The following WWOX variants were observed in gnomAD, a reference collection of about 807,000 sequenced individuals.
WWOX encodes WW domain containing oxidoreductase, also known as WW domain-containing oxidoreductase.
A neutral mutation model predicts 46.2 loss-of-function variants in WWOX; 69 were observed. That is an observed-to-expected ratio of 1.49 (90% CI 1.23 to 1.82). The LOEUF is 1.82. Ranked by LOEUF, WWOX falls within the 40% of genes most tolerant of loss-of-function variation. The pLI is 0.00. For missense variants in WWOX, 919 were observed against 542.6 expected, an observed-to-expected ratio of 1.69 and a Z score of -6.89; for synonymous variants, 359 against 202.6, an observed-to-expected ratio of 1.77 and a Z score of -6.56.
At chr16:78,733,446 C>A (rs909722175) in intron 8 of WWOX, among the ~76,000 whole-genome samples, 3 of 149,654 alleles carry the variant, frequency 2.0e-5, no homozygotes, top group African/African-American at 4.9e-5. Flanking sequence ...CAGAGTGAGA[C>A]CTTGTCTCAA....
chr16:79,002,649 C>G (rs1203743043), intron 8 of WWOX, among the ~76,000 whole-genome samples: 1 of 152,206 alleles, frequency 6.6e-6, no homozygotes, highest in East Asian at 1.9e-4. Flanking sequence ...AAGTGCTTCA[C>G]TTGTGTGATC....
rs901527419 is a variant in WWOX at position 78,338,277 on chromosome 16, G to A, written c.517-48583G>A. 8.2e-5 allele frequency among the ~76,000 whole-genome samples: 10 copies of A among 121,462 alleles called. 2 individuals carry two copies. The South Asian group carries it at 2.2e-3, about 27-fold the overall frequency. The allele number at this position is 121,462 out of a possible 152,430, so 79.7% of individuals were successfully genotyped here. On this transcript the variant is annotated intron_variant, in intron 5 of 8. Transcript: ENST00000566780. ...TCACTTGCCTGATACTGCCTAGTGA[G>A]CAGGTGGAAATGTAGACACCAACAC... is the stretch of plus-strand genomic sequence containing the variant.
At chr16:78,464,282 G>C (rs185264221) in intron 8 of WWOX, among the ~76,000 whole-genome samples, 1 of 151,098 alleles carries the variant, frequency 6.6e-6, no homozygotes, top group Non-Finnish European at 1.5e-5. Flanking sequence ...GATGGAGGGA[G>C]GCAAAAAGAA....
intron 8 of WWOX, among the ~76,000 whole-genome samples, chr16:79,046,570 G>A (rs1394381352): frequency 1.3e-5 from 2 of 152,108 alleles, no homozygotes; most frequent in African/African-American, 4.8e-5. Context: ...GAGGGTGAGA[G>A]AGCTCACCGG....
At chr16:79,195,399 G>A (rs891179234) in intron 8 of WWOX, among the ~76,000 whole-genome samples, 2 of 152,212 alleles carry the variant, frequency 1.3e-5, no homozygotes, top group African/African-American at 4.8e-5. Flanking sequence ...GGAAGTCATT[G>A]ATGTGGGCTC....
intron 5 of WWOX, among the ~76,000 whole-genome samples, chr16:78,380,223 A>G (rs940129873): frequency 6.6e-6 from 1 of 152,084 alleles, no homozygotes; most frequent in Non-Finnish European, 1.5e-5. Flanking sequence ...CTAAGGGGCA[A>G]GGAGGGTTGG....
chr16:79,059,574 T>C (rs1325983527), intron 8 of WWOX, among the ~76,000 whole-genome samples: 2 of 152,190 alleles, frequency 1.3e-5, no homozygotes, highest in African/African-American at 2.4e-5. Context: ...CACTGCAGCC[T>C]CCGCCTTCCG....
At chr16:78,392,846 ACT>A (rs1481120784) in intron 6 of WWOX, among the ~76,000 whole-genome samples, 2 of 150,802 alleles carry the variant, frequency 1.3e-5, no homozygotes, top group East Asian at 2.0e-4. Flanking sequence ...TCCTCTGCCC[ACT>A]CTCTGTTTAC....
chr16:78,473,245 T>G (rs77382368), intron 8 of WWOX, among the ~76,000 whole-genome samples: 6,059 of 152,210 alleles, frequency 0.04, 280 homozygotes, highest in African/African-American at 0.11. Context: ...TTGTCCTGCC[T>G]CAGCCTCCCA....
At chr16:78,598,301 T>C (rs1484078116) in intron 8 of WWOX, among the ~76,000 whole-genome samples, 1 of 152,188 alleles carries the variant, frequency 6.6e-6, no homozygotes, top group Admixed American at 6.5e-5. Flanking sequence ...ACGGATTGTG[T>C]TTTAAGATGT....
At chr16:78,593,696 G>A (rs539951393) in intron 8 of WWOX, among the ~76,000 whole-genome samples, 104 of 151,132 alleles carry the variant, frequency 6.9e-4, no homozygotes, top group African/African-American at 2.2e-3. Context: ...TCTTCCCAGC[G>A]TACAACAGAG....
rs553969278 is a variant in WWOX at position 78,626,409 on chromosome 16, C to G, written c.1056+193657C>G. Reference sequence around the variant, plus strand: ...ATGACCTTGACAGCTTTGAGGAGTGCTGGTTGGGTATTCTGTAGGATGCTC... The same window carrying G: ...ATGACCTTGACAGCTTTGAGGAGTGGTGGTTGGGTATTCTGTAGGATGCTC... On this transcript the variant is annotated intron_variant, in intron 8 of 8. Transcript: ENST00000566780. Among the ~76,000 whole-genome samples the G allele has an allele frequency of 3.3e-5, 5 of 152,280 alleles. No individual in the cohort carries two copies. In the South Asian group the frequency reaches 8.3e-4, roughly 25 times the overall value.
At chr16:78,179,153 G>C (rs1337578414) in intron 5 of WWOX, among the ~76,000 whole-genome samples, 1 of 152,166 alleles carries the variant, frequency 6.6e-6, no homozygotes, top group Non-Finnish European at 1.5e-5. Flanking sequence ...TAAAGAATCT[G>C]TTAAAAATCA....
At chr16:78,717,724 G>T (rs1338055600) in intron 8 of WWOX, among the ~76,000 whole-genome samples, 1 of 152,174 alleles carries the variant, frequency 6.6e-6, no homozygotes, top group East Asian at 1.9e-4. Flanking sequence ...TCCAATGCCG[G>T]CTTCCTTTGG....
chr16:79,194,603 T>A (rs1484726030), intron 8 of WWOX, among the ~76,000 whole-genome samples: 1 of 152,118 alleles, frequency 6.6e-6, no homozygotes, highest in African/African-American at 2.4e-5. Context: ...CCCACTTCCA[T>A]CCTTCTCCAC....
rs186922381 is a variant in WWOX at position 78,770,467 on chromosome 16, C to T, written c.1056+337715C>T. On this transcript the variant is annotated intron_variant, in intron 8 of 8. Coordinates refer to ENST00000566780, the MANE Select transcript of WWOX (RefSeq NM_016373.4). ...AGAGCAAATCTGGGGTCCCCACGGG[C>T]CAGGACTGGGATCTGGACTGGGCCA... Among the ~76,000 whole-genome samples the T allele has an allele frequency of 1.2e-4, 19 of 152,292 alleles. No homozygotes were observed. The East Asian group carries it at 3.5e-3, about 28-fold the overall frequency.
chr16:78,177,893 A>T (rs1426730390), intron 5 of WWOX, among the ~76,000 whole-genome samples: 2 of 152,250 alleles, frequency 1.3e-5, no homozygotes, highest in African/African-American at 4.8e-5. Flanking sequence ...AGTTCCTGAC[A>T]TTCAAGGAAG....
chr16:78,462,734 T>C (rs2151424874), intron 8 of WWOX, among the ~76,000 whole-genome samples: 1 of 152,324 alleles, frequency 6.6e-6, no homozygotes, highest in East Asian at 1.9e-4. Context: ...TGGCGTATGT[T>C]ATAGTTACTG....
chr16:78,160,022 C>T (rs1207169291), intron 4 of WWOX, among the ~76,000 whole-genome samples: 1 of 151,846 alleles, frequency 6.6e-6, no homozygotes, highest in Non-Finnish European at 1.5e-5. Context: ...AGACTTTTAG[C>T]TTCTTTTTTT....
Sources: allele counts gnomAD v4.1 joint callset (sites outside exome capture counted in the v4.1 genomes callset), GRCh38; gene constraint gnomAD v4.1.1; transcripts MANE v1.5; gene names NCBI Gene and HGNC (gene_info 2026-07-23, HGNC 2026-07-21).